The following HDDC2 variants were observed in gnomAD, a reference collection of about 807,000 sequenced individuals.
HDDC2 encodes HD domain containing 2.
HDDC2 carries 25 observed loss-of-function variants against 25.5 expected under a neutral mutation model. The ratio of observed to expected loss-of-function variants is 0.98; its 90% CI spans 0.72 to 1.37. The LOEUF is 1.37. Ranked by LOEUF, HDDC2 falls within the 40% of genes most tolerant of loss-of-function variation. The probability of loss-of-function intolerance (pLI) is 0.00; values close to 1 mark genes in which losing one functional copy is unlikely to be tolerated. For missense variants in HDDC2, 264 were observed against 253.1 expected, an observed-to-expected ratio of 1.04 and a Z score of -0.29; for synonymous variants, 106 against 89.7, an observed-to-expected ratio of 1.18 and a Z score of -1.03.
chr6:125,301,600 C>A (rs1024103351), intron 1 of HDDC2, among the ~76,000 whole-genome samples: 6 of 151,936 alleles, frequency 3.9e-5, no homozygotes, highest in African/African-American at 1.5e-4. Flanking sequence ...GTGCGGACCT[C>A]GCGGCGCCAG....
intron 4 of HDDC2, among the ~76,000 whole-genome samples, chr6:125,285,821 A>G (rs1798526405): frequency 6.6e-6 from 1 of 152,206 alleles, no homozygotes; most frequent in Non-Finnish European, 1.5e-5. Context: ...AAATAAAATT[A>G]TGATCAGACT....
intron 3 of HDDC2, 75 bp from the exon 4 acceptor site, chr6:125,292,984 A>C: frequency 1.7e-6 from 2 of 1,156,864 alleles, no homozygotes; most frequent in South Asian, 2.4e-5. Context: ...ACAGACAAAT[A>C]GGTTCGGATT....
At chr6:125,301,800 C>A in intron 1 of HDDC2, 49 bp downstream of exon 1, 1 of 1,411,920 alleles carries the variant, frequency 7.1e-7, no homozygotes, top group African/African-American at 1.5e-5. Context: ...TCCGCCGCCC[C>A]ACAGTCCCGC....
chr6:125,278,952 AAC>A (rs1798414058), intron 4 of HDDC2: 1 of 152,222 alleles, frequency 6.6e-6, no homozygotes, highest in African/African-American at 2.4e-5. Context: ...AAAGAGAAGA[AAC>A]AGACAAAACC....
chr6:125,295,433 A>AT, intron 3 of HDDC2, among the ~76,000 whole-genome samples: 1 of 152,290 alleles, frequency 6.6e-6, no homozygotes, highest in African/African-American at 2.4e-5. Flanking sequence ...CCGGCTCGCC[A>AT]TTTATTAATA....
rs528071234 is a variant in HDDC2, at chr6:125,296,001, T to C, written c.309+2713A>G. Among the ~76,000 whole-genome samples the C allele has an allele frequency of 5.3e-5, 8 of 152,276 alleles. No homozygotes were observed. The South Asian group carries it at 1.5e-3, about 28-fold the overall frequency. On this transcript the variant is annotated intron_variant, in intron 3 of 5. Coordinates refer to ENST00000398153, the MANE Select transcript of HDDC2 (RefSeq NM_016063.3). ...GTTTCTTCTATGCCCTCATTCTCCC[T>C]TTCATCTTAATACCTACTTTTCTCC... is the stretch of plus-strand genomic sequence containing the variant.
In HDDC2 at chr6:125,277,123, C is replaced by T; in HGVS notation, c.496G>A (p.Asp166Asn). The T allele has an allele frequency of 6.2e-7, 1 of 1,614,078 alleles. No homozygotes were observed. Among genetic ancestry groups the T allele is most frequent in the South Asian group, 1.1e-5 (1 of 91,066 alleles). The part of the protein sequence containing the change: ...DLEHKPGRLQ[D>N]FYDSTAGKFN... ...GTACCTGCTGTGGAATCATAGAAGT[C>T]TTGCAGTCTCCCAGGTTTGTGTTCA... Residue 166 changes from aspartate (D) to asparagine (N), a missense_variant, in exon 5 of 6, where the codon GAC (aspartate) becomes AAC (asparagine). Asp to Asn is a conservative substitution (Grantham distance 23). Transcript: ENST00000398153.
chr6:125,298,271 A>G (rs893755233), intron 3 of HDDC2, among the ~76,000 whole-genome samples: 5 of 152,192 alleles, frequency 3.3e-5, no homozygotes, highest in African/African-American at 1.2e-4. Context: ...TAAAATAAAA[A>G]TTACCTAGCC....
rs3734641 is a variant in HDDC2, at chr6:125,301,903, C to G, written c.30G>C (p.Ser10=). 6.4e-7 allele frequency: 1 copy of G among 1,552,068 alleles called. No individual in the cohort carries two copies. Among genetic ancestry groups the G allele is most frequent in the Non-Finnish European group, 8.7e-7 (1 of 1,149,578 alleles). ...GCAGTAGGGACCGAGCCCCGTGGCCCGAGAAGGTCGCAGAGGAGACCGAAG... is the reference window on the plus strand; with the variant it reads ...GCAGTAGGGACCGAGCCCCGTGGCCGGAGAAGGTCGCAGAGGAGACCGAAG... MASVSSATF[S]GHGARSLLQF... Residue 10 remains serine (S), a synonymous_variant, in exon 1 of 6, where the codon TCG becomes TCC. Transcript: ENST00000398153.
intron 3 of HDDC2, among the ~76,000 whole-genome samples, chr6:125,294,517 T>C (rs2115115101): frequency 6.6e-6 from 1 of 152,364 alleles, no homozygotes; most frequent in African/African-American, 2.4e-5. Flanking sequence ...AAATACTTTA[T>C]ATTTTCACAA....
At chr6:125,296,039 C>G (rs1798701735) in intron 3 of HDDC2, among the ~76,000 whole-genome samples, 1 of 151,918 alleles carries the variant, frequency 6.6e-6, no homozygotes, top group Admixed American at 6.6e-5. Context: ...AACAATCAGC[C>G]TTCCAGGTTT....
At chr6:125,295,804 A>G (rs968292108) in intron 3 of HDDC2, among the ~76,000 whole-genome samples, 1 of 152,186 alleles carries the variant, frequency 6.6e-6, no homozygotes, top group Non-Finnish European at 1.5e-5. Flanking sequence ...AAGGAATATG[A>G]CCTGCCACCA....
intron 4 of HDDC2, among the ~76,000 whole-genome samples, chr6:125,289,480 A>AT (rs1798596306): frequency 7.5e-6 from 1 of 132,554 alleles, no homozygotes; most frequent in African/African-American, 3.4e-5. Flanking sequence ...TTAGAGTATA[A>AT]TAAAAAAAAA....
At chr6:125,288,499 C>CA (rs1798580253) in intron 4 of HDDC2, among the ~76,000 whole-genome samples, 1 of 152,086 alleles carries the variant, frequency 6.6e-6, no homozygotes, top group African/African-American at 2.4e-5. Context: ...GATGGAGATT[C>CA]AAATTCTAGG....
In HDDC2 at chr6:125,295,235, G is replaced by A. The variant is rs147567303; in HGVS notation, c.310-2326C>T. Among the ~76,000 whole-genome samples the A allele has an allele frequency of 3.8e-3, 579 of 152,222 alleles. 2 individuals are homozygous for A. The highest frequency in any genetic ancestry group is 3.0e-3 in the Non-Finnish European group (207 of 68,020). On this transcript the variant is annotated intron_variant, in intron 3 of 5. Transcript: ENST00000398153. ...TAGATTTAGAGTGACAGCTTCCCTA[G>A]CCTCTTCCTCTGTTAGCAAAATATG...
Position 125,285,099 on chromosome 6 carries a change from G to A in HDDC2, c.378+7742C>T, listed in dbSNP as rs374267002. 8.6e-5 allele frequency among the ~76,000 whole-genome samples: 13 copies of A among 151,238 alleles called. 1 individual carries two copies. Among genetic ancestry groups the A allele is most frequent in the Admixed American group, 7.9e-4 (12 of 15,164 alleles). On this transcript the variant is annotated intron_variant, in intron 4 of 5. Coordinates refer to ENST00000398153, the MANE Select transcript of HDDC2 (RefSeq NM_016063.3). ...AACCACCATATGTTCTCACTCATAA[G>A]TGGGAGTGGAACAATGAGAACATAC...
At chr6:125,291,359 T>A (rs867270693) in intron 4 of HDDC2, among the ~76,000 whole-genome samples, 1 of 152,212 alleles carries the variant, frequency 6.6e-6, no homozygotes, top group African/African-American at 2.4e-5. Flanking sequence ...TCTTAAACCC[T>A]GGGGCCAGAG....
chr6:125,282,980 C>T (rs60527558), intron 4 of HDDC2, among the ~76,000 whole-genome samples: 29,966 of 152,150 alleles, frequency 0.2, 3,339 homozygotes, highest in African/African-American at 0.31. Context: ...TAAATATAGG[C>T]TTCATCTTTG....
At chr6:125,300,317 C>A (rs775539674) in intron 2 of HDDC2, 1 of 516,434 alleles carries the variant, frequency 1.9e-6, no homozygotes, top group Non-Finnish European at 3.4e-6. Flanking sequence ...CCCCTGATAC[C>A]CTAGGCAGGC....
Sources: allele counts gnomAD v4.1 joint callset (sites outside exome capture counted in the v4.1 genomes callset), GRCh38; gene constraint gnomAD v4.1.1; transcripts MANE v1.5; gene names NCBI Gene and HGNC (gene_info 2026-07-23, HGNC 2026-07-21).